GPHN: variants seen among roughly 807,000 people sequenced by gnomAD.
GPHN encodes gephyrin.
GPHN carries 17 observed loss-of-function variants against 95.5 expected under a neutral mutation model. The ratio of observed to expected loss-of-function variants is 0.18; its 90% confidence interval spans 0.12 to 0.27. The LOEUF (loss-of-function observed/expected upper bound fraction) is 0.27. Among genes scored for constraint, GPHN ranks in the 10% least tolerant of loss-of-function variants. The probability of loss-of-function intolerance (pLI) is 1.00; values close to 1 mark genes in which losing one functional copy is unlikely to be tolerated. For synonymous variants in GPHN, 320 were observed against 322.5 expected (o/e 0.99, Z 0.08); for missense variants, 660 against 978.1 (o/e 0.67, Z 4.34).
At chr14:67,100,942 G>C (rs1567331999) in intron 13 of GPHN, 31 bp downstream of exon 13, 1 of 1,338,726 alleles carries the variant, frequency 7.5e-7, no homozygotes, top group Non-Finnish European at 1.1e-6. Context: ...AGGCACTGAA[G>C]ATTTCAGCTT....
At chr14:66,888,134 G>A (rs2064294137) in intron 5 of GPHN, among the ~76,000 whole-genome samples, 1 of 152,058 alleles carries the variant, frequency 6.6e-6, no homozygotes, top group Non-Finnish European at 1.5e-5. Context: ...CTAAAACGTA[G>A]AACATCTACA....
the GPHN span, chr14:67,338,837 G>A: frequency 7.2e-7 from 1 of 1,390,376 alleles, no homozygotes; most frequent in Admixed American, 2.2e-5. Flanking sequence ...TTTGAGTTTT[G>A]TAACAAGGAT....
chr14:67,302,407 T>C, the GPHN span: 1 of 1,536,004 alleles, frequency 6.5e-7, no homozygotes, highest in Admixed American at 1.9e-5. Context: ...TATATATTTT[T>C]AGGGTGCTAC....
chr14:66,591,841 T>C (rs2061662131), intron 1 of GPHN, among the ~76,000 whole-genome samples: 1 of 152,208 alleles, frequency 6.6e-6, no homozygotes, highest in Admixed American at 6.5e-5. Context: ...AGAGGCTATA[T>C]AGCCAAGACA....
intron 1 of GPHN, among the ~76,000 whole-genome samples, chr14:66,674,069 T>A (rs1353286457): frequency 6.6e-6 from 1 of 152,018 alleles, no homozygotes; most frequent in Non-Finnish European, 1.5e-5. Flanking sequence ...ACTACAGTGC[T>A]GTAAAGACTA....
chr14:67,159,509 T>C (rs2081835872), intron 19 of GPHN, 21 bp downstream of exon 19: 1 of 1,426,440 alleles, frequency 7.0e-7, no homozygotes, highest in Non-Finnish European at 9.9e-7. Context: ...CATCTTGTTA[T>C]CTCATATATG....
chr14:66,537,811 G>T (rs909234128), intron 1 of GPHN, among the ~76,000 whole-genome samples: 1 of 151,972 alleles, frequency 6.6e-6, no homozygotes, highest in African/African-American at 2.4e-5. Flanking sequence ...AAACTTATTG[G>T]TACAGAATTC....
chr14:67,731,306 C>CTGGGTT, the GPHN span, among the ~76,000 whole-genome samples: 1 of 148,290 alleles, frequency 6.7e-6, no homozygotes, highest in African/African-American at 2.5e-5. Flanking sequence ...CCTCCACCTC[C>CTGGGTT]TGGGTTCAAG....
Position 66,508,449 on chromosome 14 carries a change from G to A in GPHN, c.-79G>A, listed in dbSNP as rs2057877853. 7.6e-7 allele frequency: 1 copy of A among 1,319,410 alleles called. No individual in the cohort carries two copies. The highest frequency in any genetic ancestry group is 1.1e-6 in the Non-Finnish European group (1 of 911,726). 81.7% of individuals were successfully genotyped at this position (1,319,410 alleles called of 1,614,324 possible). On this transcript the variant is annotated 5_prime_UTR_variant, in exon 1 of 23. Coordinates refer to ENST00000478722, the MANE Select transcript of GPHN (RefSeq NM_020806.5). The stretch of plus-strand genomic sequence containing the variant: ...CTCCCTAGCTGTCGCGCTCTCCTCG[G>A]CGAGCGCGCTCCCGGCCCGCGCGCT...
At chr14:67,624,478 A>T in the GPHN span, among the ~76,000 whole-genome samples, 1 of 152,220 alleles carries the variant, frequency 6.6e-6, no homozygotes, top group Non-Finnish European at 1.5e-5. Flanking sequence ...AGGCCCCAGG[A>T]GAATTATAAT....
the GPHN span, chr14:67,735,145 T>C: frequency 1.2e-6 from 1 of 866,360 alleles, no homozygotes; most frequent in Non-Finnish European, 2.0e-6. Context: ...TGATTCGACA[T>C]GTTGTTGGCA....
the GPHN span, among the ~76,000 whole-genome samples, chr14:67,583,116 TA>T: frequency 5.3e-5 from 8 of 152,098 alleles, no homozygotes; most frequent in African/African-American, 1.7e-4. Flanking sequence ...AATTAAAAAT[TA>T]AAAATTTTTA....
the GPHN span, chr14:67,303,558 C>G: frequency 1.9e-6 from 3 of 1,613,778 alleles, no homozygotes; most frequent in Non-Finnish European, 1.7e-6. Context: ...TGTCCTGATT[C>G]CCAGTCAACA....
chr14:67,394,614 G>A, the GPHN span, among the ~76,000 whole-genome samples: 22 of 152,122 alleles, frequency 1.4e-4, no homozygotes, highest in Admixed American at 3.3e-4. Flanking sequence ...GTTTTTGTGA[G>A]CCCAGGAATG....
intron 17 of GPHN, among the ~76,000 whole-genome samples, chr14:67,128,622 G>A (rs1422351600): frequency 6.6e-6 from 1 of 151,966 alleles, no homozygotes. Flanking sequence ...TTGCATATGG[G>A]GTAGAAGTTA....
At chr14:67,011,803 T>C (rs1377766163) in intron 9 of GPHN, among the ~76,000 whole-genome samples, 2 of 151,484 alleles carry the variant, frequency 1.3e-5, no homozygotes, top group Non-Finnish European at 2.9e-5. Context: ...CCACTAAATA[T>C]GTGTGTGTTG....
chr14:67,403,108 G>C, the GPHN span, among the ~76,000 whole-genome samples: 6 of 152,168 alleles, frequency 3.9e-5, no homozygotes, highest in Non-Finnish European at 7.4e-5. Flanking sequence ...TTGGATAAAA[G>C]CTATTTTAAC....
At chr14:66,531,553 G>A (rs2058939852) in intron 1 of GPHN, among the ~76,000 whole-genome samples, 1 of 152,186 alleles carries the variant, frequency 6.6e-6, no homozygotes, top group Non-Finnish European at 1.5e-5. Flanking sequence ...GATGAATAAT[G>A]CAGTCTTCCC....
At chr14:66,962,497 A>G (rs1487040231) in intron 8 of GPHN, among the ~76,000 whole-genome samples, 2 of 151,020 alleles carry the variant, frequency 1.3e-5, no homozygotes, top group Admixed American at 6.6e-5. Context: ...GAATTTTACC[A>G]CTCTCCTAAA....
Sources: gnomAD v4.1 joint callset for allele counts (sites outside exome capture counted in the v4.1 genomes callset) on GRCh38, gnomAD v4.1.1 for gene constraint, MANE v1.5 for transcripts, NCBI Gene and HGNC (gene_info 2026-07-23, HGNC 2026-07-21) for gene names.